Variants in LRGUK observed in about 807,000 individuals in gnomAD.
The protein encoded by LRGUK is leucine rich repeats and guanylate kinase domain containing, also known as leucine-rich repeat and guanylate kinase domain-containing protein.
In LRGUK, 65 loss-of-function variants were observed where a neutral mutation model predicts 76.0. The ratio of observed to expected loss-of-function variants is 0.85; its 90% CI spans 0.70 to 1.05. The LOEUF (loss-of-function observed/expected upper bound fraction) is 1.05, where lower values mean the gene tolerates loss of function less well. LRGUK is among the 50% of genes least tolerant of loss of function. The probability of loss-of-function intolerance (pLI) is 0.00; values close to 1 mark genes in which losing one functional copy is unlikely to be tolerated. For synonymous variants in LRGUK, 268 were observed against 265.6 expected (o/e 1.01, Z -0.09); for missense variants, 758 against 732.8 (o/e 1.03, Z -0.40).
At chr7:134,195,540 T>C (rs1800441372) in intron 12 of LRGUK, among the ~76,000 whole-genome samples, 2 of 152,164 alleles carry the variant, frequency 1.3e-5, no homozygotes, top group African/African-American at 4.8e-5. Flanking sequence ...AAGGCTGATC[T>C]TTTTGTTCTA....
intron 17 of LRGUK, among the ~76,000 whole-genome samples, 195 bp downstream of exon 17, chr7:134,247,839 C>G (rs1020815265): frequency 6.6e-6 from 1 of 152,150 alleles, no homozygotes; most frequent in Non-Finnish European, 1.5e-5. Flanking sequence ...ATGCTCATAG[C>G]TACTAGAAAC....
intron 7 of LRGUK, among the ~76,000 whole-genome samples, chr7:134,170,610 T>C (rs180896527): frequency 5.5e-4 from 84 of 152,294 alleles, no homozygotes; most frequent in African/African-American, 2.0e-3. Context: ...ATTTGATCAT[T>C]ACACATTGTA....
chr7:134,269,272 G>T (rs903278835), downstream of LRGUK, among the ~76,000 whole-genome samples: 3 of 150,866 alleles, frequency 2.0e-5, no homozygotes, highest in Admixed American at 6.6e-5. Context: ...AGATTTTCCT[G>T]TTAACCTTTC....
chr7:134,264,005 G>GA, exon 20 of LRGUK: 1 of 1,583,158 alleles, frequency 6.3e-7, no homozygotes, highest in South Asian at 1.2e-5. Flanking sequence ...TCCTAACATG[G>GA]AAAACCTGCT....
intron 3 of LRGUK, among the ~76,000 whole-genome samples, chr7:134,142,292 C>T (rs17167490): frequency 0.13 from 19,683 of 152,158 alleles, 1,611 homozygotes; most frequent in East Asian, 0.32. Flanking sequence ...ACTGTGTGAC[C>T]CTTCCTGATT....
intron 15 of LRGUK, among the ~76,000 whole-genome samples, chr7:134,208,500 T>G (rs1801099682): frequency 6.6e-6 from 1 of 152,210 alleles, no homozygotes; most frequent in African/African-American, 2.4e-5. Flanking sequence ...TTCAGTTGAC[T>G]AAAATTGTTC....
chr7:134,219,550 CT>C (rs1279483447), intron 15 of LRGUK, among the ~76,000 whole-genome samples: 5 of 152,272 alleles, frequency 3.3e-5, no homozygotes, highest in Non-Finnish European at 7.4e-5. Context: ...GCTTTTGTTT[CT>C]TTAAATTTTA....
At chr7:134,128,542 C>T (rs1167231100) in intron 1 of LRGUK, among the ~76,000 whole-genome samples, 2 of 152,026 alleles carry the variant, frequency 1.3e-5, no homozygotes, top group Non-Finnish European at 1.5e-5. Context: ...ATTTAATTTG[C>T]TTCCTTTCTA....
chr7:134,148,689 G>A (rs889565682), intron 5 of LRGUK, among the ~76,000 whole-genome samples: 1 of 152,120 alleles, frequency 6.6e-6, no homozygotes, highest in Non-Finnish European at 1.5e-5. Flanking sequence ...ACTTTGGGAG[G>A]CCAAGGCAGG....
chr7:134,163,076 G>C (rs948893768), intron 6 of LRGUK, among the ~76,000 whole-genome samples: 2 of 152,150 alleles, frequency 1.3e-5, no homozygotes, highest in Non-Finnish European at 2.9e-5. Context: ...GAGTTATGCT[G>C]TCATTACACT....
rs550410511 is a variant in LRGUK at position 134,155,687 on chromosome 7, G to C, written c.671-2348G>C. Among the ~76,000 whole-genome samples the C allele has an allele frequency of 4.6e-5, 7 of 152,278 alleles. No individual in the cohort carries two copies. The South Asian group carries it at 1.4e-3, about 32-fold the overall frequency. ...AATGGTATCAATGCTTTATAATTGT[G>C]AGGTGATTTATGGTTTGTTGCTCAT... On this transcript the variant is annotated intron_variant, in intron 5 of 15. Coordinates refer to ENST00000645682, the Ensembl canonical transcript of LRGUK.
intron 7 of LRGUK, among the ~76,000 whole-genome samples, chr7:134,164,848 A>G (rs549148294): frequency 6.6e-6 from 1 of 152,176 alleles, no homozygotes; most frequent in Non-Finnish European, 1.5e-5. Flanking sequence ...ATCACAGACA[A>G]AGCTGTTCAT....
chr7:134,213,521 G>A (rs955837919), downstream of LRGUK, among the ~76,000 whole-genome samples: 1 of 152,130 alleles, frequency 6.6e-6, no homozygotes, highest in East Asian at 1.9e-4. Flanking sequence ...TTTAGGTGAA[G>A]AATTTTCGAA....
intron 12 of LRGUK, among the ~76,000 whole-genome samples, chr7:134,193,984 A>G (rs983453845): frequency 1.1e-4 from 17 of 151,972 alleles, no homozygotes; most frequent in African/African-American, 4.1e-4. Flanking sequence ...ACACACAATC[A>G]TCCCCCTAAC....
chr7:134,208,269 G>A (rs1179268086), intron 15 of LRGUK, among the ~76,000 whole-genome samples: 1 of 152,174 alleles, frequency 6.6e-6, no homozygotes, highest in Non-Finnish European at 1.5e-5. Flanking sequence ...TAAGAGGGCT[G>A]CCGTTAAATA....
At chr7:134,237,180 G>A (rs1357112326) in intron 16 of LRGUK, among the ~76,000 whole-genome samples, 2 of 149,568 alleles carry the variant, frequency 1.3e-5, no homozygotes, top group Non-Finnish European at 3.0e-5. Context: ...TCAGCTTCCT[G>A]AGTAGCTGGG....
intron 12 of LRGUK, among the ~76,000 whole-genome samples, chr7:134,194,642 G>A (rs901389588): frequency 6.6e-6 from 1 of 152,138 alleles, no homozygotes; most frequent in African/African-American, 2.4e-5. Context: ...TCAGGAGGCT[G>A]AGGCAGAAGG....
intron 7 of LRGUK, among the ~76,000 whole-genome samples, chr7:134,168,316 T>C (rs1799078851): frequency 6.6e-6 from 1 of 152,068 alleles, no homozygotes; most frequent in African/African-American, 2.4e-5. Flanking sequence ...AGTAAGCTAT[T>C]ATCACACCAC....
At chr7:134,154,672 T>C (rs1048685163) in intron 5 of LRGUK, among the ~76,000 whole-genome samples, 1 of 152,252 alleles carries the variant, frequency 6.6e-6, no homozygotes, top group African/African-American at 2.4e-5. Flanking sequence ...TTCAGGCAAC[T>C]CCTGCTCCTT....
Sources: gnomAD v4.1 joint callset for allele counts (sites outside exome capture counted in the v4.1 genomes callset) on GRCh38, gnomAD v4.1.1 for gene constraint, MANE v1.5 for transcripts, NCBI Gene and HGNC (gene_info 2026-07-23, HGNC 2026-07-21) for gene names.